PCDHGA9: variants seen among roughly 807,000 people sequenced by gnomAD.
PCDHGA9 encodes the protein protocadherin gamma subfamily A, 9.
Under a neutral mutation model 62.5 loss-of-function variants are expected in PCDHGA9, and 37 were observed. The ratio of observed to expected loss-of-function variants is 0.59; its 90% confidence interval spans 0.46 to 0.78. PCDHGA9 has a LOEUF of 0.78. Among genes scored for constraint, PCDHGA9 ranks in the 30% least tolerant of loss-of-function variants. The probability of loss-of-function intolerance (pLI) is 0.00; values close to 1 mark genes in which losing one functional copy is unlikely to be tolerated. For missense variants in PCDHGA9, 1,138 were observed against 1,166.2 expected, an observed-to-expected ratio of 0.98 and a Z score of 0.35; for synonymous variants, 459 against 484.6, an observed-to-expected ratio of 0.95 and a Z score of 0.69.
intron 1 of PCDHGA9, among the ~76,000 whole-genome samples, chr5:141,437,980 C>T (rs1198278358): frequency 1.3e-5 from 2 of 152,050 alleles, no homozygotes; most frequent in Non-Finnish European, 2.9e-5. Flanking sequence ...TTGGGATGCA[C>T]CCACCCCACC....
In PCDHGA9 at chr5:141,404,738, A is replaced by C. The variant is rs1361110725; in HGVS notation, c.1786A>C (p.Arg596=). 1.5e-5 allele frequency: 24 copies of C among 1,613,674 alleles called. No homozygotes were observed. Among genetic ancestry groups the C allele is most frequent in the Non-Finnish European group, 1.9e-5 (23 of 1,180,012 alleles). The change falls in exon 1 of 4, where the codon AGA becomes CGA. Residue 596 remains arginine, a synonymous_variant. Transcript: ENST00000573521. ...GGTGACCAAGGTGGTGGCAGTGGAC[A>C]GAGACTCAGGCCAGAATGCTTGGCT... is the stretch of plus-strand genomic sequence containing the variant. ...YLVTKVVAVD[R]DSGQNAWLSY...
chr5:141,432,692 G>A lies in PCDHGA9; in HGVS notation c.2424+27316G>A. The A allele has an allele frequency of 6.2e-7, 1 of 1,613,964 alleles. No homozygotes were observed. Among genetic ancestry groups the A allele is most frequent in the Non-Finnish European group, 8.5e-7 (1 of 1,179,978 alleles). On this transcript the variant is annotated intron_variant, in intron 1 of 3. Transcript: ENST00000573521. The surrounding 1 kb of genome is among the most constrained non-coding windows in gnomAD (Gnocchi z 6.0). ...CGCGCTCAAGCAGAGCCTCGTAGTG[G>A]CCGTCCAGGACCACGGCCAGCCCCC...
chr5:141,413,756 A>G, intron 1 of PCDHGA9: 1 of 1,613,042 alleles, frequency 6.2e-7, no homozygotes, highest in South Asian at 1.1e-5. Context: ...AATGGCGTCA[A>G]GTACCCGGAG....
intron 1 of PCDHGA9, chr5:141,415,752 T>C: frequency 7.3e-7 from 1 of 1,372,622 alleles, no homozygotes; most frequent in Non-Finnish European, 9.4e-7. Flanking sequence ...TTTTTTTTTT[T>C]TTTTTTTTTT....
At position 141,511,345 on chromosome 5, in the gene PCDHGA9, T is replaced by C; in HGVS notation, c.*172T>C. ...AAGTGCCCAGTCAGCACCTACCCCT[T>C]CCCCCCCAGGGGGTTGAATATGCAA... On this transcript the variant is annotated 3_prime_UTR_variant, in exon 4 of 4. Transcript: ENST00000573521. The C allele has an allele frequency of 1.4e-6, 2 of 1,410,502 alleles. No homozygotes were observed. The highest frequency in any genetic ancestry group is 9.4e-7 in the Non-Finnish European group (1 of 1,060,676). 87.4% of individuals were successfully genotyped at this position (1,410,502 alleles called of 1,614,324 possible).
At chr5:141,433,045 C>T (rs1183696623) in intron 1 of PCDHGA9, 1 of 1,614,196 alleles carries the variant, frequency 6.2e-7, no homozygotes, top group South Asian at 1.1e-5. Flanking sequence ...TCACCACGGA[C>T]TCGCGGAAGA....
chr5:141,413,461 C>T, intron 1 of PCDHGA9: 2 of 1,614,082 alleles, frequency 1.2e-6, no homozygotes, highest in Non-Finnish European at 1.7e-6. Context: ...CAGGATAGAC[C>T]GGGAGGAGCT....
rs2097456240 is a variant in PCDHGA9, at chr5:141,432,134, G to T, written c.2424+26758G>T. 3 of 1,613,756 alleles carry T rather than the reference G, an allele frequency of 1.9e-6. No individual in the cohort carries two copies. The highest frequency in any genetic ancestry group is 1.3e-5 in the African/African-American group (1 of 74,800). On this transcript the variant is annotated intron_variant, in intron 1 of 3. Coordinates refer to ENST00000573521, the MANE Select transcript of PCDHGA9 (RefSeq NM_018921.3). This position sits in a 1 kb window ranked among gnomAD's most constrained non-coding sequence, Gnocchi z 6.0. The stretch of plus-strand genomic sequence containing the variant: ...GGTCTTCCCTCAGGCCTCCTATTCC[G>T]CTTATATCCCAGAGAACAATCCCAG...
chr5:141,427,111 C>G (rs1324091636), intron 1 of PCDHGA9: 7 of 457,560 alleles, frequency 1.5e-5, no homozygotes, highest in South Asian at 1.1e-4. Context: ...GCGGAGATCA[C>G]CTACTCTTTC....
chr5:141,404,451 C>G lies in PCDHGA9; in HGVS notation c.1499C>G (p.Pro500Arg). The change falls in exon 1 of 4, where the codon CCT becomes CGT. Residue 500 changes from proline to arginine, a missense_variant. Coordinates refer to ENST00000573521, the MANE Select transcript of PCDHGA9 (RefSeq NM_018921.3). ...GCAGAGGATACCATCCAAGGGTCTC[C>G]TCTCTCCACCTATGTCTCTATTAAC... ...SLAEDTIQGSPLSTYVSINSD... is the reference protein window; with the variant it reads ...SLAEDTIQGSRLSTYVSINSD... 2.5e-6 allele frequency: 4 copies of G among 1,613,166 alleles called. No homozygotes were observed. Among genetic ancestry groups the G allele is most frequent in the Non-Finnish European group, 3.4e-6 (4 of 1,179,234 alleles).
chr5:141,477,565 C>T lies in PCDHGA9; in HGVS notation c.2425-17242C>T, dbSNP rs1168703868. 3.1e-6 allele frequency: 5 copies of T among 1,614,146 alleles called. No homozygotes were observed. The highest frequency in any genetic ancestry group is 4.2e-6 in the Non-Finnish European group (5 of 1,180,030). On this transcript the variant is annotated intron_variant, in intron 1 of 3. Transcript: ENST00000573521. The surrounding 1 kb of genome is among the most constrained non-coding windows in gnomAD (Gnocchi z 4.9). ...CAATACTAAACCTAAGTGTCTGGGA[C>T]CCCGACGCCCCGCAGAATGCTCGGC... is the stretch of plus-strand genomic sequence containing the variant.
At position 141,404,736 on chromosome 5, in the gene PCDHGA9, A is replaced by G; in HGVS notation, c.1784A>G (p.Asp595Gly). 1 of 1,613,622 alleles carries G rather than the reference A, an allele frequency of 6.2e-7. No homozygotes were observed. Among genetic ancestry groups the G allele is most frequent in the Non-Finnish European group, 8.5e-7 (1 of 1,179,990 alleles). The stretch of plus-strand genomic sequence containing the variant: ...CTGGTGACCAAGGTGGTGGCAGTGG[A>G]CAGAGACTCAGGCCAGAATGCTTGG... ...GYLVTKVVAV[D>G]RDSGQNAWLS... Residue 595 changes from aspartate (D) to glycine (G), a missense_variant, in exon 1 of 4, where the codon GAC becomes GGC. By Grantham distance (94) the Asp-to-Gly change is moderately conservative. Transcript: ENST00000573521.
At chr5:141,451,179 T>C (rs1039062167) in intron 1 of PCDHGA9, among the ~76,000 whole-genome samples, 6 of 152,162 alleles carry the variant, frequency 3.9e-5, no homozygotes, top group Non-Finnish European at 8.8e-5. Flanking sequence ...TATTTAGCCA[T>C]TGCTGTGTAA....
Position 141,403,164 on chromosome 5 carries a change from G to A in PCDHGA9, c.212G>A (p.Arg71Lys), listed in dbSNP as rs11575960. The A allele has an allele frequency of 4.9e-3, 7,986 of 1,614,050 alleles. 45 individuals are homozygous for A. Among genetic ancestry groups the A allele is most frequent in the Admixed American group, 9.4e-3 (567 of 60,028 alleles). The stretch of plus-strand genomic sequence containing the variant: ...CGAGTCCGCATCGTCTCTAGAGGTA[G>A]GACGCAGCTTTTCTCTCTGAACCCG... ...ERRVRIVSRG[R>K]TQLFSLNPRS... The change falls in exon 1 of 4, where the codon AGG becomes AAG. Residue 71 changes from arginine to lysine, a missense_variant. By Grantham distance (26) the Arg-to-Lys change is conservative. Coordinates refer to ENST00000573521, the MANE Select transcript of PCDHGA9 (RefSeq NM_018921.3).
chr5:141,435,409 G>A (rs1387678336), intron 1 of PCDHGA9, among the ~76,000 whole-genome samples: 1 of 152,066 alleles, frequency 6.6e-6, no homozygotes, highest in African/African-American at 2.4e-5. Context: ...AAATGGTAAA[G>A]ACTATTTTTC....
chr5:141,477,779 A>C lies in PCDHGA9; in HGVS notation c.2425-17028A>C. ...CCTAGCCACCAACATCAGCGTGAAC[A>C]TATTTGTCACTGATCGCAATGACAA... is the stretch of plus-strand genomic sequence containing the variant. On this transcript the variant is annotated intron_variant, in intron 1 of 3. Transcript: ENST00000573521. The surrounding 1 kb of genome is among the most constrained non-coding windows in gnomAD (Gnocchi z 4.9). 1.2e-6 allele frequency: 2 copies of C among 1,614,012 alleles called. No individual in the cohort carries two copies. Among genetic ancestry groups the C allele is most frequent in the Non-Finnish European group, 1.7e-6 (2 of 1,180,020 alleles).
chr5:141,415,977 C>A (rs1479258110), intron 1 of PCDHGA9: 2 of 354,488 alleles, frequency 5.6e-6, no homozygotes, highest in Non-Finnish European at 9.4e-6. Context: ...CCTTAAGCAA[C>A]CCTCTTGTTC....
intron 1 of PCDHGA9, chr5:141,422,932 C>G: frequency 6.2e-7 from 1 of 1,614,252 alleles, no homozygotes; most frequent in Non-Finnish European, 8.5e-7. Context: ...CCCTGCCCTC[C>G]CCACAGACGG....
chr5:141,427,265 C>G (rs767369457), intron 1 of PCDHGA9: 1 of 456,688 alleles, frequency 2.2e-6, no homozygotes, highest in Non-Finnish European at 4.4e-6. Context: ...GCATGACCAG[C>G]GAATGTAAAA....
Sources: gnomAD v4.1 joint callset for allele counts (sites outside exome capture counted in the v4.1 genomes callset) on GRCh38, gnomAD v4.1.1 for gene constraint, Gnocchi (gnomAD v3.1) non-coding constraint, MANE v1.5 for transcripts, NCBI Gene and HGNC (gene_info 2026-07-23, HGNC 2026-07-21) for gene names.